Variants in EMILIN1 observed in about 807,000 individuals in gnomAD.
The protein encoded by EMILIN1 is EMILIN-1.
Under a neutral mutation model 82.4 loss-of-function variants are expected in EMILIN1, and 49 were observed. The ratio of observed to expected loss-of-function variants is 0.59; its 90% confidence interval spans 0.47 to 0.75. The LOEUF (loss-of-function observed/expected upper bound fraction) is 0.75. EMILIN1 is among the 30% of genes least tolerant of loss of function. The pLI is 0.00. For missense variants in EMILIN1, 1,313 were observed against 1,366.4 expected (o/e 0.96, Z 0.62); for synonymous variants, 604 against 602.2 (o/e 1.00, Z -0.04).
At chr2:27,079,258 G>T in intron 1 of EMILIN1, 23 bp downstream of exon 1, 3 of 1,532,180 alleles carry the variant, frequency 2.0e-6, no homozygotes, top group Non-Finnish European at 2.6e-6. Flanking sequence ...ATCCCAGCCC[G>T]AGGCTTGGGT....
rs1349151184 is a variant in EMILIN1 at position 27,079,110 on chromosome 2, G to A, written c.45G>A (p.Leu15=). 1 of 1,606,126 alleles carries A rather than the reference G, an allele frequency of 6.2e-7. No individual in the cohort carries two copies. The highest frequency in any genetic ancestry group is 1.7e-5 in the Admixed American group (1 of 59,652). Residue 15 remains leucine (L), a synonymous_variant, in exon 1 of 8, where the codon CTG becomes CTA. Transcript: ENST00000380320. ...TLWSCYLCCL[L]TAAAGAASYP... The stretch of plus-strand genomic sequence containing the variant: ...GGAGCTGCTACCTCTGCTGCCTGCT[G>A]ACGGCAGCTGCAGGGGCCGCCAGCT...
At position 27,086,403 on chromosome 2, in the gene EMILIN1, A is replaced by G. The variant is rs1244320477; in HGVS notation, c.*388A>G. On this transcript the variant is annotated 3_prime_UTR_variant, in exon 8 of 8. Transcript: ENST00000380320. ...AAGACACTTGGTTTTTCTAAAAAAA[A>G]CTAAACGAACCGTTCTGCTACGGTA... 3.9e-5 allele frequency: 7 copies of G among 180,536 alleles called. No homozygotes were observed. Among genetic ancestry groups the G allele is most frequent in the Non-Finnish European group, 6.9e-5 (6 of 87,386 alleles). The allele number at this position is 180,536 out of a possible 1,614,324, so 11.2% of individuals were successfully genotyped here.
In EMILIN1 at chr2:27,082,870, G is replaced by A. The variant is rs745775728; in HGVS notation, c.1299G>A (p.Gly433=). The change falls in exon 4 of 8, where the codon GGG becomes GGA. Residue 433 remains glycine (G), a synonymous_variant. Coordinates refer to ENST00000380320, the MANE Select transcript of EMILIN1 (RefSeq NM_007046.4). ...AGGAGAGCTGGCCTGGGGCTCCTGG[G>A]GGGCTGAGCCACTGGCTGCCTGCTG... ...EQEESWPGAP[G]GLSHWLPAAR... is the part of the protein sequence containing the mutation. 10 of 1,590,998 alleles carry A rather than the reference G, an allele frequency of 6.3e-6. No homozygotes were observed. Among genetic ancestry groups the A allele is most frequent in the Middle Eastern group, 2.2e-4 (1 of 4,518 alleles).
chr2:27,080,194 C>T lies in EMILIN1; in HGVS notation c.214C>T (p.Leu72Phe). The change falls in exon 2 of 8, where the codon CTT (leucine) becomes TTT (phenylalanine). Residue 72 changes from leucine (L) to phenylalanine (F), a missense_variant. Physicochemically the swap from Leu to Phe is conservative, Grantham distance 22. Transcript: ENST00000380320. ...GGTGACCCGGACAGTGAGCTGTGTC[C>T]TTGAGGATGGAGTGGAGACATATGT... ...YVVTRTVSCV[L>F]EDGVETYVKY... The T allele has an allele frequency of 3.1e-6, 5 of 1,614,064 alleles. No homozygotes were observed. In the South Asian group the frequency reaches 5.5e-5, roughly 18 times the overall value.
At position 27,083,305 on chromosome 2, in the gene EMILIN1, G is replaced by T. The variant is rs1669518816; in HGVS notation, c.1734G>T (p.Gly578=). 3 of 1,613,296 alleles carry T rather than the reference G, an allele frequency of 1.9e-6. No individual in the cohort carries two copies. The highest frequency in any genetic ancestry group is 2.5e-6 in the Non-Finnish European group (3 of 1,179,842). Residue 578 remains glycine, a synonymous_variant, in exon 4 of 8, where the codon GGG becomes GGT. Transcript: ENST00000380320. ...TGGAGGGGCTGCTGCAGGCCCATGG[G>T]GATGAGGGCTGTGGGGCCTGTGGCG... ...GQLEGLLQAH[G]DEGCGACGGV...
Position 27,085,939 on chromosome 2 carries a change from T to A in EMILIN1, c.2975T>A (p.Leu992Gln). 6.5e-7 allele frequency: 1 copy of A among 1,528,634 alleles called. No individual in the cohort carries two copies. Among genetic ancestry groups the A allele is most frequent in the Non-Finnish European group, 8.8e-7 (1 of 1,130,262 alleles). 94.7% of individuals were successfully genotyped at this position (1,528,634 alleles called of 1,614,324 possible). The change falls in exon 8 of 8, where the codon CTG becomes CAG. Residue 992 changes from leucine (L) to glutamine (Q), a missense_variant. Transcript: ENST00000380320. ...TVCVDLVMGQ[L>Q]AHSEEPLTIF... Reference sequence around the variant, plus strand: ...TGCGTCGACCTGGTCATGGGGCAGCTGGCGCACTCGGAGGAGCCGCTCACC... The same window carrying A: ...TGCGTCGACCTGGTCATGGGGCAGCAGGCGCACTCGGAGGAGCCGCTCACC...
chr2:27,080,461 G>A (rs559526031), intron 2 of EMILIN1, among the ~76,000 whole-genome samples, 191 bp downstream of exon 2: 4 of 152,164 alleles, frequency 2.6e-5, no homozygotes, highest in East Asian at 1.9e-4. Context: ...TGCCTCACGC[G>A]CCAGCCCCAG....
chr2:27,079,454 A>G (rs556154161), intron 1 of EMILIN1, among the ~76,000 whole-genome samples: 1 of 152,120 alleles, frequency 6.6e-6, no homozygotes, highest in East Asian at 1.9e-4. Context: ...CCGCTCCCAC[A>G]TGCCCCAGGG....
chr2:27,082,418 C>T lies in EMILIN1; in HGVS notation c.847C>T (p.Pro283Ser), dbSNP rs1435423083. ...GSRAPAPASAPPGPSEELLRQ... is the reference protein window; with the variant it reads ...GSRAPAPASASPGPSEELLRQ... ...CAGGGCCCCAGCCCCAGCCTCAGCC[C>T]CTCCGGGCCCCAGTGAGGAGCTGCT... The change falls in exon 4 of 8, where the codon CCT (proline) becomes TCT (serine). Residue 283 changes from proline to serine, a missense_variant. Physicochemically the swap from Pro to Ser is moderately conservative, Grantham distance 74 (BLOSUM62 -1). Transcript: ENST00000380320. The T allele has an allele frequency of 6.2e-7, 1 of 1,603,762 alleles. No individual in the cohort carries two copies. Among genetic ancestry groups the T allele is most frequent in the Non-Finnish European group, 8.5e-7 (1 of 1,177,068 alleles).
intron 6 of EMILIN1, 54 bp from the exon 7 acceptor site, chr2:27,085,106 G>A: frequency 1.2e-5 from 19 of 1,613,556 alleles, no homozygotes; most frequent in Non-Finnish European, 1.6e-5. Context: ...GCAGGGGAAG[G>A]GGGCTGGCAC....
At position 27,082,508 on chromosome 2, in the gene EMILIN1, C is replaced by T. The variant is rs900975618; in HGVS notation, c.937C>T (p.Arg313Cys). 13 of 1,546,660 alleles carry T rather than the reference C, an allele frequency of 8.4e-6. No individual in the cohort carries two copies. Among genetic ancestry groups the T allele is most frequent in the South Asian group, 1.2e-5 (1 of 84,736 alleles). Residue 313 changes from arginine (R) to cysteine (C), a missense_variant, in exon 4 of 8, where the codon CGC becomes TGC. Coordinates refer to ENST00000380320, the MANE Select transcript of EMILIN1 (RefSeq NM_007046.4). ...SVCLAGLDGF[R>C]RQQQEDRERL... ...GTGCCTGGCCGGGCTAGATGGCTTC[C>T]GCCGGCAGCAGCAGGAGGACAGGGA...
Position 27,078,789 on chromosome 2 carries a change from G to A in EMILIN1, c.-277G>A. The A allele has an allele frequency of 5.2e-6, 2 of 383,080 alleles. No homozygotes were observed. Among genetic ancestry groups the A allele is most frequent in the Non-Finnish European group, 9.3e-6 (2 of 214,048 alleles). 23.7% of individuals were successfully genotyped at this position (383,080 alleles called of 1,614,324 possible). ...GAGGGGCAGGGACCAGGCGCGGGAG[G>A]CCAGAGGGGGCACAGAGAACAAACC... On this transcript the variant is annotated 5_prime_UTR_variant, in exon 1 of 8. Transcript: ENST00000380320.
At position 27,084,999 on chromosome 2, in the gene EMILIN1, G is replaced by C; in HGVS notation, c.2566G>C (p.Gly856Arg). 1 of 1,614,022 alleles carries C rather than the reference G, an allele frequency of 6.2e-7. No homozygotes were observed. Residue 856 changes from glycine (G) to arginine (R), a missense_variant, in exon 6 of 8, where the codon GGT (glycine) becomes CGT (arginine). Coordinates refer to ENST00000380320, the MANE Select transcript of EMILIN1 (RefSeq NM_007046.4). ...EGPIGPPGPQ[G>R]EQGVEGAPAA... is the part of the protein sequence containing the mutation. Reference sequence around the variant, plus strand: ...CTTTCCTCTTCTCACAGGTCCTCAAGGTGAACAGGGTGAGTGCCTTTCATT... The same window carrying C: ...CTTTCCTCTTCTCACAGGTCCTCAACGTGAACAGGGTGAGTGCCTTTCATT...
intron 5 of EMILIN1, 101 bp from the exon 6 acceptor site, chr2:27,084,890 C>A: frequency 1.8e-6 from 2 of 1,128,938 alleles, no homozygotes; most frequent in South Asian, 1.2e-5. Flanking sequence ...CTTTGAAGTC[C>A]ACGTAGCACC....
In EMILIN1 at chr2:27,085,025, T is replaced by A. The variant is rs1669574716; in HGVS notation, c.2575+17T>A. 1 of 1,613,888 alleles carries A rather than the reference T, an allele frequency of 6.2e-7. No homozygotes were observed. Among genetic ancestry groups the A allele is most frequent in the Non-Finnish European group, 8.5e-7 (1 of 1,179,772 alleles). Reference sequence around the variant, plus strand: ...GTGAACAGGGTGAGTGCCTTTCATTTGATTCTGGAGGGAGAAGTGACTAGG... The same window carrying A: ...GTGAACAGGGTGAGTGCCTTTCATTAGATTCTGGAGGGAGAAGTGACTAGG... On this transcript the variant is annotated intron_variant, in intron 6 of 7. Coordinates refer to ENST00000380320, the MANE Select transcript of EMILIN1 (RefSeq NM_007046.4).
chr2:27,081,439 C>G (rs1669475026), intron 3 of EMILIN1, among the ~76,000 whole-genome samples: 1 of 152,142 alleles, frequency 6.6e-6, no homozygotes, highest in Admixed American at 6.5e-5. Flanking sequence ...GCCTTCCCTC[C>G]TGCGTGCTGC....
chr2:27,081,008 T>C (rs917723010), intron 3 of EMILIN1, 56 bp downstream of exon 3: 310 of 1,312,244 alleles, frequency 2.4e-4, no homozygotes, highest in Non-Finnish European at 2.0e-4. Flanking sequence ...TCCAATGCAA[T>C]GGGAAATGTG....
intron 4 of EMILIN1, 29 bp from the exon 5 acceptor site, chr2:27,084,386 C>G: frequency 1.4e-5 from 19 of 1,355,510 alleles, no homozygotes; most frequent in Non-Finnish European, 1.7e-5. Context: ...CTTTTATGGC[C>G]CTCCTTCAAC....
At position 27,080,176 on chromosome 2, in the gene EMILIN1, C is replaced by T. The variant is rs764158975; in HGVS notation, c.196C>T (p.Arg66Trp). 1.4e-5 allele frequency: 23 copies of T among 1,614,056 alleles called. No individual in the cohort carries two copies. The highest frequency in any genetic ancestry group is 4.5e-5 in the East Asian group (2 of 44,868). The change falls in exon 2 of 8, where the codon CGG (arginine) becomes TGG (tryptophan). Residue 66 changes from arginine to tryptophan, a missense_variant. Transcript: ENST00000380320. ...GAACTGGTGTGCCTACGTGGTGACCCGGACAGTGAGCTGTGTCCTTGAGGA... is the reference window on the plus strand; with the variant it reads ...GAACTGGTGTGCCTACGTGGTGACCTGGACAGTGAGCTGTGTCCTTGAGGA... The part of the protein sequence containing the change: ...HRNWCAYVVT[R>W]TVSCVLEDGV...
Sources: allele counts gnomAD v4.1 joint callset (sites outside exome capture counted in the v4.1 genomes callset), GRCh38; gene constraint gnomAD v4.1.1; transcripts MANE v1.5; gene names NCBI Gene and HGNC (gene_info 2026-07-23, HGNC 2026-07-21).